Variants in RALY observed in about 807,000 individuals in gnomAD.
RALY encodes RALY heterogeneous nuclear ribonucleoprotein, also known as RNA-binding protein Raly.
Under a neutral mutation model 30.7 loss-of-function variants are expected in RALY, and 15 were observed. The ratio of observed to expected loss-of-function variants is 0.49; its 90% CI spans 0.33 to 0.75. The LOEUF (loss-of-function observed/expected upper bound fraction) is 0.75. Among genes scored for constraint, RALY ranks in the 30% least tolerant of loss-of-function variants. The pLI is 0.02. For synonymous variants in RALY, 177 were observed against 170.8 expected (o/e 1.04, Z -0.28); for missense variants, 339 against 414.3 (o/e 0.82, Z 1.58).
At chr20:34,067,828 T>TC (rs1280407156) in intron 2 of RALY, among the ~76,000 whole-genome samples, 2 of 150,316 alleles carry the variant, frequency 1.3e-5, no homozygotes, top group African/African-American at 2.4e-5. Context: ...TTTTTTTTTT[T>TC]TTTTGAGACA....
At chr20:34,064,256 A>T (rs1029965479) in intron 2 of RALY, among the ~76,000 whole-genome samples, 1 of 152,124 alleles carries the variant, frequency 6.6e-6, no homozygotes, top group African/African-American at 2.4e-5. Context: ...CTTGTCGCAG[A>T]TGGTAAGCCT....
intron 1 of RALY, among the ~76,000 whole-genome samples, chr20:33,994,555 C>G (rs1049743268): frequency 6.6e-6 from 1 of 152,244 alleles, no homozygotes; most frequent in Non-Finnish European, 1.5e-5. Context: ...GCTTCCGGCT[C>G]TCCTAACCCG....
intron 9 of RALY, among the ~76,000 whole-genome samples, chr20:34,079,186 G>T (rs768093698): frequency 6.6e-6 from 1 of 152,204 alleles, no homozygotes; most frequent in Non-Finnish European, 1.5e-5. Context: ...GACAGGAGCT[G>T]CACCTGCTTT....
chr20:34,065,660 G>A (rs2033549853), intron 2 of RALY, among the ~76,000 whole-genome samples: 1 of 152,220 alleles, frequency 6.6e-6, no homozygotes, highest in Admixed American at 6.5e-5. Flanking sequence ...GGACCAAGGA[G>A]GCCCTGGACA....
chr20:34,000,328 T>TG (rs781197877), intron 1 of RALY, among the ~76,000 whole-genome samples: 117 of 150,362 alleles, frequency 7.8e-4, no homozygotes, highest in Non-Finnish European at 1.1e-3. Context: ...TAAAATCATC[T>TG]GGGGGGGTCC....
chr20:34,005,974 CCA>C (rs2031139742), intron 1 of RALY, among the ~76,000 whole-genome samples: 1 of 152,120 alleles, frequency 6.6e-6, no homozygotes, highest in African/African-American at 2.4e-5. Context: ...TCTGGATGTG[CCA>C]CAGTTTATCC....
In RALY at chr20:34,044,657, A is replaced by G. The variant is rs537203914; in HGVS notation, c.-10+13053A>G. The stretch of plus-strand genomic sequence containing the variant: ...GACGTGTGTTAACATTTGAAGAACC[A>G]TTGAGGCCAAGCAAATATCAAAAAT... On this transcript the variant is annotated intron_variant, in intron 2 of 9. Transcript: ENST00000246194. Among the ~76,000 whole-genome samples the G allele has an allele frequency of 6.6e-5, 10 of 152,172 alleles. No homozygotes were observed. In the South Asian group the frequency reaches 2.1e-3, roughly 31 times the overall value.
chr20:34,039,203 A>G (rs1401981774), intron 2 of RALY, among the ~76,000 whole-genome samples: 1 of 152,260 alleles, frequency 6.6e-6, no homozygotes, highest in Non-Finnish European at 1.5e-5. Flanking sequence ...GCCGCTATCT[A>G]TAGTAAGGTG....
Position 34,084,067 on chromosome 20 carries a change from A to C in RALY, c.*4162A>C, listed in dbSNP as rs920569088. ...TCTGGTTACAAGTTACAGAAACTGA[A>C]TTCAGTCCTGCTTAGTGGGAGGAAG... On this transcript the variant is annotated 3_prime_UTR_variant, in exon 10 of 10. Coordinates refer to ENST00000246194, the MANE Select transcript of RALY (RefSeq NM_016732.3). 6.6e-6 allele frequency: 1 copy of C among 152,206 alleles called. No homozygotes were observed. The highest frequency in any genetic ancestry group is 2.4e-5 in the African/African-American group (1 of 41,450). The allele number at this position is 152,206 out of a possible 1,614,324, so 9.4% of individuals were successfully genotyped here.
At chr20:34,000,210 GAC>G (rs1208762273) in intron 1 of RALY, among the ~76,000 whole-genome samples, 1 of 152,174 alleles carries the variant, frequency 6.6e-6, no homozygotes, top group Non-Finnish European at 1.5e-5. Flanking sequence ...TAGGAATAGA[GAC>G]AGAGTGCAGT....
intron 2 of RALY, among the ~76,000 whole-genome samples, chr20:34,031,974 T>A (rs530894596): frequency 1.3e-5 from 2 of 152,288 alleles, no homozygotes; most frequent in South Asian, 4.1e-4. Context: ...TAGAGACTTG[T>A]TTTTTGAGAT....
At chr20:34,012,989 C>CT (rs1316951016) in intron 1 of RALY, among the ~76,000 whole-genome samples, 27 of 152,276 alleles carry the variant, frequency 1.8e-4, no homozygotes, top group Middle Eastern at 6.8e-3. Flanking sequence ...AGAAACGGTA[C>CT]TTGGACTACT....
At chr20:34,022,468 G>A (rs764992886) in intron 1 of RALY, among the ~76,000 whole-genome samples, 10 of 152,056 alleles carry the variant, frequency 6.6e-5, no homozygotes, top group Non-Finnish European at 1.5e-4. Flanking sequence ...GTTGACACTT[G>A]TTCTGGCCAG....
At chr20:34,002,907 A>G (rs2030984056) in intron 1 of RALY, among the ~76,000 whole-genome samples, 1 of 152,156 alleles carries the variant, frequency 6.6e-6, no homozygotes, top group Admixed American at 6.5e-5. Flanking sequence ...AAATAGCTCT[A>G]TTTTGTATGC....
intron 1 of RALY, among the ~76,000 whole-genome samples, chr20:33,999,301 G>A (rs1052221209): frequency 2.2e-4 from 33 of 152,080 alleles, no homozygotes; most frequent in African/African-American, 7.5e-4. Flanking sequence ...ACGTAAGGGA[G>A]GGGGTAGGGT....
intron 2 of RALY, among the ~76,000 whole-genome samples, chr20:34,056,165 C>A (rs150749602): frequency 6.6e-6 from 1 of 152,272 alleles, no homozygotes; most frequent in Non-Finnish European, 1.5e-5. Flanking sequence ...CTTGTTACAT[C>A]CTAGACTCTG....
intron 5 of RALY, 135 bp downstream of exon 5, chr20:34,074,001 C>CTCAGCTCTGCTACCGACT: frequency 1.1e-6 from 1 of 939,588 alleles, no homozygotes; most frequent in Non-Finnish European, 1.6e-6. Context: ...CTCCACCAGT[C>CTCAGCTCTGCTACCGACT]GGTAGCAGAG....
chr20:34,017,824 C>T (rs1387274958), intron 1 of RALY: 1 of 152,216 alleles, frequency 6.6e-6, no homozygotes, highest in Non-Finnish European at 1.5e-5. Context: ...TTGAGTGTCT[C>T]CTGTGTGTCA....
chr20:34,036,646 A>G (rs1228137425), intron 2 of RALY, among the ~76,000 whole-genome samples: 1 of 152,248 alleles, frequency 6.6e-6, no homozygotes, highest in Admixed American at 6.5e-5. Context: ...TTCATCAGTG[A>G]AGCCACATGG....
Sources: allele counts gnomAD v4.1 joint callset (sites outside exome capture counted in the v4.1 genomes callset), GRCh38; gene constraint gnomAD v4.1.1; transcripts MANE v1.5; gene names NCBI Gene and HGNC (gene_info 2026-07-23, HGNC 2026-07-21).